NBEAL1: variants seen among roughly 807,000 people sequenced by gnomAD.
The protein encoded by NBEAL1 is neurobeachin-like protein 1.
NBEAL1 carries 273 observed loss-of-function variants against 351.3 expected under a neutral mutation model. The ratio of observed to expected loss-of-function variants is 0.78; its 90% CI spans 0.70 to 0.86. The LOEUF is 0.86. Among genes scored for constraint, NBEAL1 ranks in the 40% least tolerant of loss-of-function variants. The probability of loss-of-function intolerance (pLI) is 0.00; values close to 1 mark genes in which losing one functional copy is unlikely to be tolerated. For synonymous variants in NBEAL1, 1,050 were observed against 1,086.4 expected, an observed-to-expected ratio of 0.97 and a Z score of 0.66; for missense variants, 2,961 against 3,201.3, an observed-to-expected ratio of 0.92 and a Z score of 1.81.
In NBEAL1 at chr2:203,146,921, A is replaced by T. The variant is rs552735097; in HGVS notation, c.5304+1761A>T. On this transcript the variant is annotated intron_variant, in intron 33 of 55. Transcript: ENST00000683969. ...GAACCGCATTAGTAGTCTTAACAAG[A>T]AAAACTACATTATCATATCAGTAAA... Among the ~76,000 whole-genome samples the T allele has an allele frequency of 5.9e-5, 9 of 152,332 alleles. No individual in the cohort carries two copies. The South Asian group carries it at 1.7e-3, about 28-fold the overall frequency.
intron 1 of NBEAL1, chr2:203,015,778 G>A (rs1038034717): frequency 2.6e-5 from 4 of 152,692 alleles, no homozygotes; most frequent in Admixed American, 1.3e-4. Context: ...CAACTTTGAA[G>A]AGGAGACCAG....
chr2:203,048,591 C>G (rs1190398969), intron 3 of NBEAL1, among the ~76,000 whole-genome samples: 1 of 152,086 alleles, frequency 6.6e-6, no homozygotes, highest in African/African-American at 2.4e-5. Context: ...TCTCGGAACA[C>G]AGATTTATTA....
intron 16 of NBEAL1, 51 bp downstream of exon 16, chr2:203,112,149 G>A: frequency 6.6e-7 from 1 of 1,511,624 alleles, no homozygotes; most frequent in Middle Eastern, 1.7e-4. Flanking sequence ...GAGAATTCTT[G>A]AAATGTTTTA....
intron 38 of NBEAL1, 35 bp downstream of exon 38, chr2:203,167,395 T>C (rs2064168707): frequency 6.4e-7 from 1 of 1,554,160 alleles, no homozygotes; most frequent in Middle Eastern, 1.7e-4. Flanking sequence ...CCCAAAATGC[T>C]AGCTTTAAAT....
At chr2:203,018,260 A>C (rs2060712732) in intron 2 of NBEAL1, among the ~76,000 whole-genome samples, 1 of 100,516 alleles carries the variant, frequency 9.9e-6, no homozygotes, top group African/African-American at 3.4e-5. Flanking sequence ...CCCAGCTGAC[A>C]AACTTTTAAG....
intron 7 of NBEAL1, among the ~76,000 whole-genome samples, chr2:203,070,239 G>A (rs2061658513): frequency 6.7e-6 from 1 of 150,086 alleles, no homozygotes; most frequent in Non-Finnish European, 1.5e-5. Context: ...TGAGGTGCTT[G>A]TTAATTGGCA....
At chr2:203,110,505 T>C (rs927447068) in intron 15 of NBEAL1, among the ~76,000 whole-genome samples, 1 of 151,640 alleles carries the variant, frequency 6.6e-6, no homozygotes, top group African/African-American at 2.4e-5. Context: ...AAACCTGCTA[T>C]CTACTGAAAA....
chr2:203,184,662 A>G (rs1559046527), intron 44 of NBEAL1, among the ~76,000 whole-genome samples: 1 of 151,574 alleles, frequency 6.6e-6, no homozygotes, highest in African/African-American at 2.4e-5. Flanking sequence ...ATCATTATAT[A>G]TTTATAAAAT....
Position 203,083,375 on chromosome 2 carries a change from A to G in NBEAL1, c.841A>G (p.Ser281Gly). 1 of 1,555,436 alleles carries G rather than the reference A, an allele frequency of 6.4e-7. No homozygotes were observed. Among genetic ancestry groups the G allele is most frequent in the Non-Finnish European group, 8.7e-7 (1 of 1,148,004 alleles). ...CLTEVVHILLSSNSDQRQVET... is the reference protein window; with the variant it reads ...CLTEVVHILLGSNSDQRQVET... Reference sequence around the variant, plus strand: ...TACAGAAGTGGTACATATCCTTCTCAGTAGCAACTCTGATCAGCGTCAAGT... The same window carrying G: ...TACAGAAGTGGTACATATCCTTCTCGGTAGCAACTCTGATCAGCGTCAAGT... The change falls in exon 9 of 56, where the codon AGT becomes GGT. Residue 281 changes from serine to glycine, a missense_variant. By Grantham distance (56) the Ser-to-Gly change is moderately conservative. Transcript: ENST00000683969.
In NBEAL1 at chr2:203,166,165, C is replaced by T. The variant is rs1267921082; in HGVS notation, c.5731C>T (p.Gln1911Ter). ...TTTTTACAGTGATGAGAAAGAAGAA[C>T]AGGATCAAAAAGAAAAATTGGTATT... ...ARVNVDEKEE[Q>*]DQKEKLVLME... The change falls in exon 37 of 56, where the codon CAG (glutamine) becomes TAG (stop). Residue 1911 changes from glutamine to a stop codon, truncating the protein, a stop_gained. Coordinates refer to ENST00000683969, the MANE Select transcript of NBEAL1 (RefSeq NM_001378026.1). LOFTEE classifies it high-confidence loss of function. 1 of 1,578,332 alleles carries T rather than the reference C, an allele frequency of 6.3e-7. No homozygotes were observed. Among genetic ancestry groups the T allele is most frequent in the South Asian group, 1.2e-5 (1 of 82,988 alleles).
Position 203,041,762 on chromosome 2 carries a change from C to T in NBEAL1, c.52-3C>T, listed in dbSNP as rs539860672. ...TAATATTATAATGGTTTTGTTATTT[C>T]AGAAAGATCCAGATTACCTGAAGCT... is the stretch of plus-strand genomic sequence containing the variant. On this transcript the variant is annotated splice_region_variant and splice_polypyrimidine_tract_variant and intron_variant, in intron 2 of 55. Transcript: ENST00000683969. 6.5e-7 allele frequency: 1 copy of T among 1,547,226 alleles called. No homozygotes were observed. Among genetic ancestry groups the T allele is most frequent in the Admixed American group, 2.0e-5 (1 of 50,634 alleles).
intron 3 of NBEAL1, among the ~76,000 whole-genome samples, chr2:203,045,008 G>T (rs186746243): frequency 2.0e-5 from 3 of 152,224 alleles, no homozygotes; most frequent in African/African-American, 7.2e-5. Flanking sequence ...GTGGGAAAAT[G>T]CTTCCAAGTC....
intron 36 of NBEAL1, among the ~76,000 whole-genome samples, chr2:203,163,390 T>A (rs1332563818): frequency 6.6e-6 from 1 of 152,188 alleles, no homozygotes; most frequent in African/African-American, 2.4e-5. Context: ...TCCTTTTTTC[T>A]TTAGGTAAAA....
At position 203,217,244 on chromosome 2, in the gene NBEAL1, T is replaced by A. The variant is rs2065906975; in HGVS notation, c.8071-9T>A. ...TTTATTCTTCATTTCTTTGGATTAC[T>A]TTACACAGATGCGTTCAGGTCAGCT... On this transcript the variant is annotated splice_polypyrimidine_tract_variant and intron_variant, in intron 55 of 55. Transcript: ENST00000683969. 1.3e-6 allele frequency: 2 copies of A among 1,548,812 alleles called. No homozygotes were observed. The highest frequency in any genetic ancestry group is 4.2e-5 in the Admixed American group (2 of 47,962).
At chr2:203,191,541 A>G (rs1014812172) in intron 46 of NBEAL1, among the ~76,000 whole-genome samples, 9 of 152,072 alleles carry the variant, frequency 5.9e-5, no homozygotes, top group African/African-American at 1.9e-4. Flanking sequence ...AGAATGTACA[A>G]AAAAATATAT....
Position 203,208,675 on chromosome 2 carries a change from G to C in NBEAL1, c.7545G>C (p.Gln2515His), listed in dbSNP as rs767715293. 54 of 1,612,234 alleles carry C rather than the reference G, an allele frequency of 3.3e-5. No individual in the cohort carries two copies. The highest frequency in any genetic ancestry group is 4.4e-5 in the Non-Finnish European group (52 of 1,179,616). Residue 2515 changes from glutamine (Q) to histidine (H), a missense_variant, in exon 52 of 56, where the codon CAG becomes CAC. Gln to His is a conservative substitution (Grantham distance 24). Transcript: ENST00000683969. ...VPVGLASKPF[Q>H]ILYGHTNEVL... is the part of the protein sequence containing the mutation. ...TGGGCTTAGCATCTAAACCTTTTCA[G>C]ATTCTTTATGGACACACCAACGAGG...
At chr2:203,098,764 A>AT (rs1048174246) in intron 11 of NBEAL1, among the ~76,000 whole-genome samples, 51 of 152,130 alleles carry the variant, frequency 3.4e-4, no homozygotes, top group African/African-American at 9.6e-4. Context: ...TACTTATTTC[A>AT]TTTTCTGTGT....
chr2:203,032,922 C>T (rs560576037), intron 2 of NBEAL1, among the ~76,000 whole-genome samples: 20 of 151,798 alleles, frequency 1.3e-4, no homozygotes, highest in South Asian at 6.2e-4. Flanking sequence ...ACCTTGGCCT[C>T]CCAAAGTGCT....
chr2:203,155,571 G>C (rs115884153), intron 35 of NBEAL1, among the ~76,000 whole-genome samples: 1 of 151,982 alleles, frequency 6.6e-6, no homozygotes, highest in African/African-American at 2.4e-5. Flanking sequence ...CTGAGCAGCT[G>C]GTACTATAGG....
Sources: allele counts gnomAD v4.1 joint callset (sites outside exome capture counted in the v4.1 genomes callset), GRCh38; gene constraint gnomAD v4.1.1; transcripts MANE v1.5; gene names NCBI Gene and HGNC (gene_info 2026-07-23, HGNC 2026-07-21).